The following NCALD variants were observed in gnomAD, a reference collection of about 807,000 sequenced individuals.
NCALD encodes the protein neurocalcin delta.
NCALD carries 10 observed loss-of-function variants against 18.6 expected under a neutral mutation model. The ratio of observed to expected loss-of-function variants is 0.54; its 90% CI spans 0.33 to 0.91. NCALD has a LOEUF of 0.91. Among genes scored for constraint, NCALD ranks in the 40% least tolerant of loss-of-function variants. The probability of loss-of-function intolerance (pLI) is 0.03; values close to 1 mark genes in which losing one functional copy is unlikely to be tolerated. For missense variants in NCALD, 184 were observed against 247.6 expected (o/e 0.74, Z 1.72); for synonymous variants, 88 against 87.4 (o/e 1.01, Z -0.04).
intron 4 of NCALD, among the ~76,000 whole-genome samples, chr8:101,883,729 T>C (rs1350886588): frequency 6.6e-6 from 1 of 152,228 alleles, no homozygotes; most frequent in Non-Finnish European, 1.5e-5. Context: ...TGAAATCATG[T>C]TTAAATTCTA....
At chr8:101,834,303 C>G (rs1319519297) in intron 4 of NCALD, among the ~76,000 whole-genome samples, 1 of 152,252 alleles carries the variant, frequency 6.6e-6, no homozygotes, top group Non-Finnish European at 1.5e-5. Flanking sequence ...TGGGGCTGGC[C>G]TCACCCAGCT....
At chr8:101,762,591 CTTT>C (rs577820477) in intron 1 of NCALD, among the ~76,000 whole-genome samples, 2 of 140,522 alleles carry the variant, frequency 1.4e-5, no homozygotes, top group African/African-American at 2.6e-5. Flanking sequence ...ACAAAGTCTA[CTTT>C]TTTTTTTTTT....
Position 101,872,602 on chromosome 8 carries a change from A to C in NCALD, c.-20+14539T>G. Reference sequence around the variant, plus strand: ...TGCTGGGGAATTCAGATTTTCTAAAAACATGTTTACAATTTAAATTTGGCT... The same window carrying C: ...TGCTGGGGAATTCAGATTTTCTAAACACATGTTTACAATTTAAATTTGGCT... On this transcript the variant is annotated intron_variant, in intron 4 of 6. Coordinates refer to the NCALD transcript ENST00000311028. 3 of 522,748 alleles carry C rather than the reference A, an allele frequency of 5.7e-6. No homozygotes were observed. The South Asian group carries it at 6.3e-5, about 11-fold the overall frequency. 32.4% of individuals were successfully genotyped at this position (522,748 alleles called of 1,614,324 possible).
At chr8:101,923,488 A>G (rs144538617) in intron 2 of NCALD, among the ~76,000 whole-genome samples, 2 of 152,294 alleles carry the variant, frequency 1.3e-5, no homozygotes, top group African/African-American at 4.8e-5. Context: ...ATGATGTGTA[A>G]TTGTTGTCAA....
At chr8:101,856,817 C>T (rs1164310643) in intron 4 of NCALD, among the ~76,000 whole-genome samples, 1 of 152,156 alleles carries the variant, frequency 6.6e-6, no homozygotes, top group Non-Finnish European at 1.5e-5. Flanking sequence ...TCATGACACA[C>T]ACACAGGTTG....
At chr8:101,755,448 C>G (rs898510633) in intron 1 of NCALD, among the ~76,000 whole-genome samples, 1 of 152,154 alleles carries the variant, frequency 6.6e-6, no homozygotes, top group African/African-American at 2.4e-5. Context: ...AAAGATGGAT[C>G]CAACAGCCAT....
At chr8:101,720,446 C>T (rs927883071) in intron 1 of NCALD, among the ~76,000 whole-genome samples, 3 of 152,172 alleles carry the variant, frequency 2.0e-5, no homozygotes, top group Admixed American at 2.0e-4. Flanking sequence ...AAAGCAGTAT[C>T]ACTTCAAATA....
At chr8:101,952,285 C>T (rs926458085) in intron 2 of NCALD, among the ~76,000 whole-genome samples, 1 of 152,176 alleles carries the variant, frequency 6.6e-6, no homozygotes, top group Admixed American at 6.5e-5. Flanking sequence ...TCTTCTTCCT[C>T]GGCTCCCTCT....
intron 4 of NCALD, among the ~76,000 whole-genome samples, chr8:101,804,984 A>G (rs1448777223): frequency 6.6e-6 from 1 of 152,144 alleles, no homozygotes; most frequent in Non-Finnish European, 1.5e-5. Context: ...ATGACTCGGC[A>G]TATATATGTT....
intron 4 of NCALD, among the ~76,000 whole-genome samples, chr8:101,813,370 A>C (rs1813376986): frequency 1.3e-5 from 2 of 152,070 alleles, no homozygotes; most frequent in African/African-American, 4.8e-5. Context: ...GAATTCCAGA[A>C]TGCTAAGAAG....
chr8:101,950,720 G>A (rs1819381792), intron 2 of NCALD, among the ~76,000 whole-genome samples: 1 of 152,196 alleles, frequency 6.6e-6, no homozygotes, highest in South Asian at 2.1e-4. Flanking sequence ...CACTGCACTA[G>A]AAGAGAATTC....
intron 2 of NCALD, among the ~76,000 whole-genome samples, chr8:101,974,485 A>G (rs1168118746): frequency 6.6e-6 from 1 of 152,320 alleles, no homozygotes; most frequent in East Asian, 1.9e-4. Context: ...CCCTTTGACA[A>G]GAAAATACAA....
At chr8:102,014,872 G>T (rs986940500) in intron 2 of NCALD, among the ~76,000 whole-genome samples, 1 of 151,992 alleles carries the variant, frequency 6.6e-6, no homozygotes, top group South Asian at 2.1e-4. Context: ...AATTACTCGG[G>T]GATCTTGTTC....
chr8:102,088,216 AT>A (rs1028809084), intron 1 of NCALD, among the ~76,000 whole-genome samples: 29 of 152,272 alleles, frequency 1.9e-4, no homozygotes, highest in African/African-American at 7.0e-4. Context: ...TCTTTTCACA[AT>A]GGTGGCCCAG....
At chr8:101,909,049 A>G (rs1002679724) in intron 3 of NCALD, among the ~76,000 whole-genome samples, 1 of 152,148 alleles carries the variant, frequency 6.6e-6, no homozygotes, top group African/African-American at 2.4e-5. Context: ...TTTTAACTCT[A>G]TAAGGAAAGT....
intron 2 of NCALD, among the ~76,000 whole-genome samples, chr8:101,981,398 A>AT (rs2131940877): frequency 6.6e-6 from 1 of 152,330 alleles, no homozygotes; most frequent in African/African-American, 2.4e-5. Flanking sequence ...TCCACAATGT[A>AT]TTTTTAGAGA....
chr8:101,812,212 G>C (rs2131145041), intron 4 of NCALD, among the ~76,000 whole-genome samples: 1 of 152,274 alleles, frequency 6.6e-6, no homozygotes, highest in East Asian at 1.9e-4. Context: ...GCACTGGGTA[G>C]AGACTCAGGG....
chr8:101,763,247 G>T (rs1449929233), intron 1 of NCALD, among the ~76,000 whole-genome samples: 1 of 152,196 alleles, frequency 6.6e-6, no homozygotes, highest in Non-Finnish European at 1.5e-5. Context: ...ATGGTGTTCT[G>T]GAACAGGGCT....
intron 2 of NCALD, among the ~76,000 whole-genome samples, chr8:101,999,354 G>A (rs1344316424): frequency 6.6e-6 from 1 of 152,114 alleles, no homozygotes; most frequent in Non-Finnish European, 1.5e-5. Context: ...AAAGAATGAA[G>A]TAATGGCATT....
Sources: allele counts gnomAD v4.1 joint callset (sites outside exome capture counted in the v4.1 genomes callset), GRCh38; gene constraint gnomAD v4.1.1; transcripts MANE v1.5; gene names NCBI Gene and HGNC (gene_info 2026-07-23, HGNC 2026-07-21).